PTPRT: variants seen among roughly 807,000 people sequenced by gnomAD.
PTPRT encodes receptor-type tyrosine-protein phosphatase T.
A neutral mutation model predicts 176.8 loss-of-function variants in PTPRT; 56 were observed. The observed-to-expected ratio is 0.32, with a 90% confidence interval of 0.26 to 0.40. The LOEUF is 0.40. PTPRT is among the 10% of genes least tolerant of loss of function. The pLI is 1.00. For missense variants in PTPRT, 1,540 were observed against 1,908.2 expected (o/e 0.81, Z 3.60); for synonymous variants, 783 against 739.0 (o/e 1.06, Z -0.96).
intron 7 of PTPRT, among the ~76,000 whole-genome samples, chr20:42,550,713 A>T (rs1204350472): frequency 6.6e-6 from 1 of 152,120 alleles, no homozygotes; most frequent in Non-Finnish European, 1.5e-5. Context: ...AAATTGCTCA[A>T]GATTACACCT....
At chr20:42,284,140 G>T (rs1361955988) in intron 12 of PTPRT, among the ~76,000 whole-genome samples, 1 of 152,012 alleles carries the variant, frequency 6.6e-6, no homozygotes, top group South Asian at 2.1e-4. Context: ...TCCTATTAAT[G>T]TGGGGTGACT....
At chr20:42,706,615 T>A (rs556526428) in intron 6 of PTPRT, among the ~76,000 whole-genome samples, 109 of 152,300 alleles carry the variant, frequency 7.2e-4, no homozygotes, top group Non-Finnish European at 1.2e-4. Flanking sequence ...GTTTCTTCTT[T>A]CTTCATTAGA....
intron 1 of PTPRT, among the ~76,000 whole-genome samples, chr20:42,980,579 C>T (rs1000316207): frequency 6.6e-6 from 1 of 152,214 alleles, no homozygotes; most frequent in Non-Finnish European, 1.5e-5. Context: ...TGGTGACAGA[C>T]TTCCCCCCAC....
chr20:42,620,592 G>C (rs1322198763), intron 7 of PTPRT, among the ~76,000 whole-genome samples: 1 of 152,088 alleles, frequency 6.6e-6, no homozygotes, highest in African/African-American at 2.4e-5. Context: ...CAGTCAGCGA[G>C]ATTCCGTGGG....
chr20:43,127,098 T>A (rs1033788247), intron 1 of PTPRT, among the ~76,000 whole-genome samples: 1 of 152,104 alleles, frequency 6.6e-6, no homozygotes, highest in African/African-American at 2.4e-5. Context: ...TTTGGATTCC[T>A]CCTAATCCCT....
intron 6 of PTPRT, among the ~76,000 whole-genome samples, chr20:42,694,879 C>G (rs1206254326): frequency 6.6e-6 from 1 of 152,158 alleles, no homozygotes; most frequent in Non-Finnish European, 1.5e-5. Flanking sequence ...AGGATGTCTA[C>G]TGTGGCTACA....
intron 19 of PTPRT, among the ~76,000 whole-genome samples, chr20:42,121,226 C>G (rs1344124916): frequency 6.6e-6 from 1 of 152,230 alleles, no homozygotes; most frequent in African/African-American, 2.4e-5. Context: ...CAGGCACCTT[C>G]CAATTGCTGG....
intron 8 of PTPRT, among the ~76,000 whole-genome samples, chr20:42,467,896 GT>G (rs1365826717): frequency 6.6e-6 from 1 of 152,184 alleles, no homozygotes; most frequent in East Asian, 1.9e-4. Context: ...TATATAATAT[GT>G]CTATCCGTGC....
intron 7 of PTPRT, among the ~76,000 whole-genome samples, chr20:42,633,102 ACT>A (rs1034378039): frequency 1.4e-4 from 21 of 152,166 alleles, no homozygotes; most frequent in Middle Eastern, 3.4e-3. Context: ...TTGGGGAGAA[ACT>A]CTGAATTATT....
intron 6 of PTPRT, among the ~76,000 whole-genome samples, chr20:42,679,752 T>C (rs2075570684): frequency 6.6e-6 from 1 of 152,184 alleles, no homozygotes; most frequent in Admixed American, 6.5e-5. Flanking sequence ...TTTATCATCA[T>C]TGTCTTTAAT....
intron 2 of PTPRT, among the ~76,000 whole-genome samples, chr20:42,852,429 A>G (rs1000910303): frequency 2.6e-5 from 4 of 152,184 alleles, no homozygotes; most frequent in African/African-American, 9.7e-5. Flanking sequence ...TACAATTTAA[A>G]AACTGCACAT....
At chr20:42,124,429 A>C (rs960978347) in intron 19 of PTPRT, among the ~76,000 whole-genome samples, 2 of 152,238 alleles carry the variant, frequency 1.3e-5, no homozygotes, top group African/African-American at 4.8e-5. Flanking sequence ...AATTCATAAC[A>C]GATTTAAGTG....
intron 1 of PTPRT, among the ~76,000 whole-genome samples, chr20:42,944,724 A>C (rs1216175456): frequency 1.3e-5 from 2 of 152,206 alleles, no homozygotes; most frequent in African/African-American, 4.8e-5. Context: ...GTCTCCCCAG[A>C]GAATCTGTCC....
chr20:42,481,604 T>C (rs951847510), intron 7 of PTPRT, among the ~76,000 whole-genome samples: 1 of 152,122 alleles, frequency 6.6e-6, no homozygotes, highest in Non-Finnish European at 1.5e-5. Flanking sequence ...AAAATAGGCG[T>C]GTACTCATCA....
intron 7 of PTPRT, among the ~76,000 whole-genome samples, chr20:42,675,602 G>A (rs188056212): frequency 4.9e-4 from 75 of 152,246 alleles, no homozygotes; most frequent in African/African-American, 1.8e-3. Flanking sequence ...TCACACATAA[G>A]TGCTTAACAG....
chr20:42,117,245 C>T (rs1030756038), intron 21 of PTPRT, among the ~76,000 whole-genome samples: 1 of 152,218 alleles, frequency 6.6e-6, no homozygotes, highest in African/African-American at 2.4e-5. Context: ...TTGTCTCCTT[C>T]CCATCGTCGC....
intron 16 of PTPRT, among the ~76,000 whole-genome samples, chr20:42,188,306 T>G (rs536590782): frequency 6.6e-6 from 1 of 152,092 alleles, no homozygotes; most frequent in Non-Finnish European, 1.5e-5. Context: ...AAGAAATGGC[T>G]GGGGAGGAAG....
At chr20:42,670,153 C>G (rs866998453) in intron 7 of PTPRT, among the ~76,000 whole-genome samples, 4 of 152,140 alleles carry the variant, frequency 2.6e-5, no homozygotes, top group South Asian at 4.1e-4. Context: ...CAGGGTCCAT[C>G]ATGCTACAGT....
intron 6 of PTPRT, among the ~76,000 whole-genome samples, chr20:42,710,474 G>T (rs184767966): frequency 2.0e-5 from 3 of 152,354 alleles, no homozygotes; most frequent in Admixed American, 1.3e-4. Context: ...CAGGTTGCCA[G>T]CCCAGAGGGC....
Sources: gnomAD v4.1 joint callset for allele counts (sites outside exome capture counted in the v4.1 genomes callset) on GRCh38, gnomAD v4.1.1 for gene constraint, MANE v1.5 for transcripts, NCBI Gene and HGNC (gene_info 2026-07-23, HGNC 2026-07-21) for gene names.